OTUD7A: variants seen among roughly 807,000 people sequenced by gnomAD.
OTUD7A encodes OTU deubiquitinase 7A, also known as OTU domain-containing protein 7A.
A neutral mutation model predicts 65.7 loss-of-function variants in OTUD7A; 12 were observed. The observed-to-expected ratio is 0.18, with a 90% CI of 0.12 to 0.30. OTUD7A has a LOEUF of 0.30. Among genes scored for constraint, OTUD7A ranks in the 10% least tolerant of loss-of-function variants. OTUD7A has a pLI of 1.00. For synonymous variants in OTUD7A, 641 were observed against 586.3 expected (o/e 1.09, Z -1.35); for missense variants, 1,148 against 1,304.8 (o/e 0.88, Z 1.85).
intron 1 of OTUD7A, among the ~76,000 whole-genome samples, chr15:31,714,068 C>T (rs985853607): frequency 2.7e-5 from 4 of 147,440 alleles, no homozygotes; most frequent in African/African-American, 9.8e-5. Context: ...AACCGCTTGG[C>T]AGAATCTACC....
intron 1 of OTUD7A, among the ~76,000 whole-genome samples, chr15:31,717,079 G>T (rs1228653600): frequency 1.3e-5 from 2 of 152,074 alleles, no homozygotes; most frequent in Admixed American, 1.3e-4. Flanking sequence ...ATACAAGTCT[G>T]TTCTACAGAT....
chr15:31,623,747 T>C (rs1299341860), intron 3 of OTUD7A, among the ~76,000 whole-genome samples: 2 of 152,232 alleles, frequency 1.3e-5, no homozygotes, highest in African/African-American at 2.4e-5. Flanking sequence ...CTTCGGCTCA[T>C]GCTCGGTGCG....
chr15:31,565,714 TA>T (rs1250579200), intron 4 of OTUD7A, among the ~76,000 whole-genome samples: 8 of 152,234 alleles, frequency 5.3e-5, no homozygotes, highest in African/African-American at 1.7e-4. Flanking sequence ...CAGAACAAGG[TA>T]TGGAAATAGG....
At chr15:31,601,660 ATGAATCCAGGAGCTAGTTTTT>A (rs1890080011) in intron 3 of OTUD7A, among the ~76,000 whole-genome samples, 1 of 152,210 alleles carries the variant, frequency 6.6e-6, no homozygotes, top group Non-Finnish European at 1.5e-5. Flanking sequence ...AAAAAAATCA[ATGAATCCAGGAGCTAGTTTTT>A]TGAAAAGATC....
chr15:31,778,185 C>A (rs1007710767), intron 1 of OTUD7A, among the ~76,000 whole-genome samples: 1 of 152,030 alleles, frequency 6.6e-6, no homozygotes, highest in African/African-American at 2.4e-5. Context: ...AGTACCATAC[C>A]CAAGGAACTC....
At chr15:31,567,566 C>G (rs929060190) in intron 4 of OTUD7A, among the ~76,000 whole-genome samples, 1 of 152,174 alleles carries the variant, frequency 6.6e-6, no homozygotes, top group Non-Finnish European at 1.5e-5. Context: ...GCCTGAGGAG[C>G]AACTACTTGC....
At chr15:31,510,533 A>T (rs1297571405) in intron 8 of OTUD7A, among the ~76,000 whole-genome samples, 1 of 131,974 alleles carries the variant, frequency 7.6e-6, no homozygotes, top group Non-Finnish European at 1.5e-5. Context: ...TATATGTAAC[A>T]TACATATGTA....
At chr15:31,768,009 G>A (rs986034139) in intron 1 of OTUD7A, 2 of 1,596,374 alleles carry the variant, frequency 1.3e-6, no homozygotes, top group African/African-American at 1.3e-5. Context: ...GTAACTTCAG[G>A]ACCAAAATTG....
chr15:31,766,899 A>T, intron 1 of OTUD7A: 8 of 1,609,968 alleles, frequency 5.0e-6, no homozygotes, highest in Non-Finnish European at 6.8e-6. Flanking sequence ...TCCCTGACAC[A>T]TCTACAATTC....
rs558088996 is a variant in OTUD7A, at chr15:31,681,411, C to T, written c.-99-24334G>A. Among the ~76,000 whole-genome samples the T allele has an allele frequency of 2.6e-3, 398 of 151,930 alleles. 1 individual carries two copies. The highest frequency in any genetic ancestry group is 8.6e-3 in the African/African-American group (358 of 41,400). ...TGTGCTATATATCTGTCTATATGAC[C>T]ACCTGTCTGTCTCTCTATGCTAGAA... is the stretch of plus-strand genomic sequence containing the variant. On this transcript the variant is annotated intron_variant, in intron 1 of 12. Transcript: ENST00000307050.
intron 4 of OTUD7A, among the ~76,000 whole-genome samples, chr15:31,559,677 CATAT>C (rs374923199): frequency 0.027 from 4,135 of 152,262 alleles, 194 homozygotes; most frequent in African/African-American, 0.093. Context: ...ATACTACACA[CATAT>C]ATACATGCCC....
intron 3 of OTUD7A, among the ~76,000 whole-genome samples, chr15:31,572,057 T>C (rs191119728): frequency 4.7e-4 from 71 of 152,348 alleles, no homozygotes; most frequent in Non-Finnish European, 2.9e-5. Flanking sequence ...TCCATCTCTA[T>C]GAGAATAAGC....
At chr15:31,831,039 A>G (rs142748472) in intron 1 of OTUD7A, among the ~76,000 whole-genome samples, 39 of 152,342 alleles carry the variant, frequency 2.6e-4, no homozygotes, top group East Asian at 1.3e-3. Flanking sequence ...TGACAAAGGC[A>G]CCACTATAAT....
chr15:31,819,823 T>A (rs183065856), intron 1 of OTUD7A, among the ~76,000 whole-genome samples: 1 of 152,088 alleles, frequency 6.6e-6, no homozygotes, highest in Admixed American at 6.6e-5. Context: ...TCAGTATATA[T>A]GTTATTTTTA....
At chr15:31,670,784 G>T (rs2141295364) in intron 1 of OTUD7A, among the ~76,000 whole-genome samples, 1 of 152,260 alleles carries the variant, frequency 6.6e-6, no homozygotes, top group East Asian at 1.9e-4. Flanking sequence ...GAGGTCAGGA[G>T]ATCAAGACCA....
At chr15:31,811,833 G>A (rs1327512237) in intron 1 of OTUD7A, among the ~76,000 whole-genome samples, 1 of 152,216 alleles carries the variant, frequency 6.6e-6, no homozygotes, top group Non-Finnish European at 1.5e-5. Flanking sequence ...CCTGGACTAG[G>A]GCAACCTGCT....
chr15:31,610,571 A>T (rs1890371658), intron 3 of OTUD7A, among the ~76,000 whole-genome samples: 1 of 144,746 alleles, frequency 6.9e-6, no homozygotes, highest in Non-Finnish European at 1.5e-5. Context: ...AACAAGCCTC[A>T]ATAAATTTAA....
rs1205665999 is a variant in OTUD7A at position 31,483,592 on chromosome 15, C to T, written c.2504G>A (p.Arg835His). The T allele has an allele frequency of 8.9e-6, 11 of 1,231,798 alleles. No homozygotes were observed. The highest frequency in any genetic ancestry group is 1.1e-5 in the Non-Finnish European group (11 of 990,250). The allele number at this position is 1,231,798 out of a possible 1,614,324, so 76.3% of individuals were successfully genotyped here. The change falls in exon 13 of 13, where the codon CGC becomes CAC. Residue 835 changes from arginine (R) to histidine (H), a missense_variant. Coordinates refer to ENST00000307050, the MANE Select transcript of OTUD7A (RefSeq NM_001382637.1). ...GCCCGGTAGGGCCCCGGGCACCGCG[C>T]GCGCCAGCGACTCGACCGTGTTGAC... Reference protein sequence around the residue: ...RTVNTVESLARAVPGALPGAA... With the variant: ...RTVNTVESLAHAVPGALPGAA...
intron 1 of OTUD7A, among the ~76,000 whole-genome samples, chr15:31,756,174 C>G (rs971822303): frequency 6.6e-6 from 1 of 152,228 alleles, no homozygotes; most frequent in African/African-American, 2.4e-5. Context: ...GACTAAGGGC[C>G]TGTGGGTCCT....
Sources: gnomAD v4.1 joint callset for allele counts (sites outside exome capture counted in the v4.1 genomes callset) on GRCh38, gnomAD v4.1.1 for gene constraint, MANE v1.5 for transcripts, NCBI Gene and HGNC (gene_info 2026-07-23, HGNC 2026-07-21) for gene names.